Variants in ADCY3 observed in about 807,000 individuals in gnomAD.
The protein encoded by ADCY3 is adenylate cyclase type 3.
A neutral mutation model predicts 119.4 loss-of-function variants in ADCY3; 70 were observed. The observed-to-expected ratio is 0.59, with a 90% CI of 0.48 to 0.72. ADCY3 has a LOEUF of 0.72. Among genes scored for constraint, ADCY3 ranks in the 30% least tolerant of loss-of-function variants. ADCY3 has a pLI of 0.00. For missense variants in ADCY3, 1,238 were observed against 1,541.6 expected (o/e 0.80, Z 3.30); for synonymous variants, 672 against 621.4 (o/e 1.08, Z -1.21).
intron 3 of ADCY3, among the ~76,000 whole-genome samples, chr2:24,863,749 G>C (rs1468481101): frequency 1.3e-5 from 2 of 152,164 alleles, no homozygotes; most frequent in African/African-American, 2.4e-5. Flanking sequence ...GGCCAAGAAA[G>C]CAAAGGAACT....
chr2:24,823,041 C>G (rs1222703202), intron 18 of ADCY3, among the ~76,000 whole-genome samples, 168 bp downstream of exon 18: 1 of 152,172 alleles, frequency 6.6e-6, no homozygotes, highest in African/African-American at 2.4e-5. Context: ...ACCTCACCTC[C>G]CCTTCCCCAG....
chr2:24,907,204 C>T (rs7565460), intron 2 of ADCY3, among the ~76,000 whole-genome samples: 79,013 of 150,456 alleles, frequency 0.53, 22,724 homozygotes, highest in African/African-American at 0.78. Context: ...GAAACTGCCC[C>T]CAAGGGCAGT....
chr2:24,886,849 G>A (rs976268539), intron 2 of ADCY3, among the ~76,000 whole-genome samples: 3 of 152,210 alleles, frequency 2.0e-5, no homozygotes, highest in Non-Finnish European at 4.4e-5. Context: ...GGTGAGGTTA[G>A]CTGCTGCACA....
At chr2:24,852,546 G>A (rs374612790) in intron 3 of ADCY3, among the ~76,000 whole-genome samples, 145 of 152,336 alleles carry the variant, frequency 9.5e-4, no homozygotes, top group Non-Finnish European at 1.6e-3. Flanking sequence ...AGGGGCCCAC[G>A]TGGCAAAGCC....
intron 3 of ADCY3, among the ~76,000 whole-genome samples, chr2:24,854,524 A>T (rs1672775732): frequency 6.6e-6 from 1 of 152,174 alleles, no homozygotes; most frequent in South Asian, 2.1e-4. Context: ...GATACAGAGG[A>T]TGTATTTAGA....
chr2:24,831,922 CAGCGGA>C (rs1283635859), intron 11 of ADCY3, among the ~76,000 whole-genome samples, 173 bp from the exon 12 acceptor site: 1 of 59,996 alleles, frequency 1.7e-5, no homozygotes, highest in African/African-American at 5.6e-5. Context: ...GGCCAGGGGA[CAGCGGA>C]CAGTGGCCAG....
chr2:24,858,070 C>A lies in ADCY3; in HGVS notation c.825+14500G>T, dbSNP rs182017229. On this transcript the variant is annotated intron_variant, in intron 3 of 21. Coordinates refer to ENST00000679454, the MANE Select transcript of ADCY3 (RefSeq NM_004036.5). ...CTGGAGTGCTGAAGTGTAGTCACAG[C>A]TCACTGCACACTGATCTTGCTGGGC... Among the ~76,000 whole-genome samples the A allele has an allele frequency of 5.4e-5, 8 of 148,374 alleles. No homozygotes were observed. The East Asian group carries it at 1.6e-3, about 29-fold the overall frequency.
chr2:24,834,114 A>G lies in ADCY3; in HGVS notation c.1967+371T>C, dbSNP rs1031256950. 4.6e-5 allele frequency among the ~76,000 whole-genome samples: 7 copies of G among 152,232 alleles called. No individual in the cohort carries two copies. Among genetic ancestry groups the G allele is most frequent in the Non-Finnish European group, 7.3e-5 (5 of 68,036 alleles). On this transcript the variant is annotated intron_variant, in intron 11 of 21. Transcript: ENST00000679454. This position sits in a 1 kb window ranked among gnomAD's most constrained non-coding sequence, Gnocchi z 4.2. The stretch of plus-strand genomic sequence containing the variant: ...TCTATCTTTACCAAGATGAGCCAAG[A>G]GAGGGGCCAGGTCAGCCTTGGTGAC...
chr2:24,822,500 G>A lies in ADCY3; in HGVS notation c.3003+11C>T. 6.2e-7 allele frequency: 1 copy of A among 1,612,992 alleles called. No individual in the cohort carries two copies. The highest frequency in any genetic ancestry group is 1.7e-5 in the Admixed American group (1 of 60,016). On this transcript the variant is annotated intron_variant, in intron 19 of 21. Coordinates refer to ENST00000679454, the MANE Select transcript of ADCY3 (RefSeq NM_004036.5). Reference sequence around the variant, plus strand: ...CAGAGCCTCATCTCTCTGGCTACTGGGGTTAGCTACCTTGTTGGAGCTGGC... The same window carrying A: ...CAGAGCCTCATCTCTCTGGCTACTGAGGTTAGCTACCTTGTTGGAGCTGGC...
At chr2:24,916,059 C>G (rs1324653193) in intron 2 of ADCY3, among the ~76,000 whole-genome samples, 1 of 152,244 alleles carries the variant, frequency 6.6e-6, no homozygotes, top group East Asian at 1.9e-4. Flanking sequence ...CCCTCCTGCT[C>G]TGTTCCCAAA....
chr2:24,821,055 C>CA (rs1358836028), intron 20 of ADCY3: 2 of 651,284 alleles, frequency 3.1e-6, no homozygotes, highest in African/African-American at 3.7e-5. Flanking sequence ...CCACCCCCCC[C>CA]CCATATGCAG....
chr2:24,886,266 T>C (rs1193022155), intron 2 of ADCY3, among the ~76,000 whole-genome samples: 1 of 152,094 alleles, frequency 6.6e-6, no homozygotes, highest in Middle Eastern at 3.2e-3. Context: ...TCCACGGTCA[T>C]CCTGTGGCTT....
At chr2:24,849,469 A>G (rs13392560) in intron 3 of ADCY3, among the ~76,000 whole-genome samples, 1 of 152,202 alleles carries the variant, frequency 6.6e-6, no homozygotes, top group East Asian at 1.9e-4. Context: ...GGGGTGGGAC[A>G]GGGGGAATTT....
intron 2 of ADCY3, among the ~76,000 whole-genome samples, chr2:24,886,212 A>C (rs1677006207): frequency 6.6e-6 from 1 of 152,216 alleles, no homozygotes. Flanking sequence ...TGCTGGGTGA[A>C]GGAATGAATA....
intron 13 of ADCY3, among the ~76,000 whole-genome samples, chr2:24,829,593 T>C (rs1669164732): frequency 6.6e-6 from 1 of 151,616 alleles, no homozygotes; most frequent in African/African-American, 2.4e-5. Flanking sequence ...GCTAATTTTT[T>C]TGTATTTTTA....
chr2:24,823,473 T>A, intron 17 of ADCY3, 118 bp from the exon 18 acceptor site: 5 of 1,019,184 alleles, frequency 4.9e-6, no homozygotes, highest in Non-Finnish European at 5.5e-6. Flanking sequence ...GACTCACACA[T>A]CAGTCAGATT....
In ADCY3 at chr2:24,819,872, C is replaced by T; in HGVS notation, c.*60G>A. 3 of 1,562,234 alleles carry T rather than the reference C, an allele frequency of 1.9e-6. No homozygotes were observed. The highest frequency in any genetic ancestry group is 2.6e-6 in the Non-Finnish European group (3 of 1,147,614). ...TTCAATCCAGGAAGGTCGGGACTTC[C>T]TTCAGTTTCAAAAAATAAATTCTCC... is the stretch of plus-strand genomic sequence containing the variant. On this transcript the variant is annotated 3_prime_UTR_variant, in exon 22 of 22. Coordinates refer to ENST00000679454, the MANE Select transcript of ADCY3 (RefSeq NM_004036.5).
chr2:24,905,297 C>T (rs1679339437), intron 2 of ADCY3, among the ~76,000 whole-genome samples: 1 of 152,022 alleles, frequency 6.6e-6, no homozygotes, highest in African/African-American at 2.4e-5. Context: ...CCACACCCGG[C>T]TGATTTTTTT....
chr2:24,876,046 G>A, intron 2 of ADCY3, among the ~76,000 whole-genome samples: 1 of 152,020 alleles, frequency 6.6e-6, no homozygotes, highest in Admixed American at 6.5e-5. Context: ...AGGCTGCACT[G>A]CAGTGGCACA....
Sources: allele counts gnomAD v4.1 joint callset (sites outside exome capture counted in the v4.1 genomes callset), GRCh38; gene constraint gnomAD v4.1.1; non-coding constraint Gnocchi (gnomAD v3.1); transcripts MANE v1.5; gene names NCBI Gene and HGNC (gene_info 2026-07-23, HGNC 2026-07-21).